The following ZNF678 variants were observed in gnomAD, a reference collection of about 807,000 sequenced individuals.
The protein encoded by ZNF678 is hypothetical protein MGC42493.
Under a neutral mutation model 3.0 loss-of-function variants are expected in ZNF678, and 5 were observed. That is an observed-to-expected ratio of 1.69 (90% CI 0.88 to 3.56). The LOEUF is 3.56. Ranked by LOEUF, ZNF678 falls within the 30% of genes most tolerant of loss-of-function variation. ZNF678 has a pLI of 0.00. For synonymous variants in ZNF678, 218 were observed against 199.6 expected, an observed-to-expected ratio of 1.09 and a Z score of -0.78; for missense variants, 593 against 605.0, an observed-to-expected ratio of 0.98 and a Z score of 0.21.
chr1:227,595,184 ATC>A (rs748336846), intron 1 of ZNF678, among the ~76,000 whole-genome samples: 1 of 148,284 alleles, frequency 6.7e-6, no homozygotes, highest in African/African-American at 2.5e-5. Flanking sequence ...ACTTGTATAT[ATC>A]TCTCTCTCTT....
chr1:227,650,848 G>T, intron 2 of ZNF678, 108 bp from the exon 3 acceptor site: 2 of 769,546 alleles, frequency 2.6e-6, no homozygotes, highest in South Asian at 2.5e-5. Flanking sequence ...ATTTGTTATG[G>T]CTTTCTACAT....
At position 227,636,766 on chromosome 1, in the gene ZNF678, G is replaced by C. The variant is rs192684348; in HGVS notation, c.-163-9778G>C. 6.6e-5 allele frequency among the ~76,000 whole-genome samples: 10 copies of C among 152,296 alleles called. No homozygotes were observed. The East Asian group carries it at 1.9e-3, about 29-fold the overall frequency. Reference sequence around the variant, plus strand: ...TTGACCCTGGTGCAGTAGACCCAGTGGGGGAGTCCTTGGACTCTCACTGCA... The same window carrying C: ...TTGACCCTGGTGCAGTAGACCCAGTCGGGGAGTCCTTGGACTCTCACTGCA... On this transcript the variant is annotated intron_variant, in intron 1 of 3. Transcript: ENST00000343776.
At chr1:227,569,418 C>A (rs1401036163) in intron 1 of ZNF678, among the ~76,000 whole-genome samples, 1 of 151,996 alleles carries the variant, frequency 6.6e-6, no homozygotes, top group Non-Finnish European at 1.5e-5. Flanking sequence ...GATTCTGTTG[C>A]ATTGTTTTTT....
intron 5 of ZNF678, among the ~76,000 whole-genome samples, chr1:227,668,808 T>C (rs1659551902): frequency 6.6e-6 from 1 of 152,218 alleles, no homozygotes; most frequent in South Asian, 2.1e-4. Context: ...CACCATTTAT[T>C]GAATAGGAAG....
At chr1:227,592,628 T>C (rs1312144164) in intron 1 of ZNF678, among the ~76,000 whole-genome samples, 1 of 152,268 alleles carries the variant, frequency 6.6e-6, no homozygotes, top group African/African-American at 2.4e-5. Context: ...TTATTAACTG[T>C]CACCCACTAA....
chr1:227,655,683 G>A lies in ZNF678; in HGVS notation c.1433G>A (p.Arg478His), dbSNP rs560952116. 3.7e-5 allele frequency: 60 copies of A among 1,612,234 alleles called. No individual in the cohort carries two copies. Among genetic ancestry groups the A allele is most frequent in the Middle Eastern group, 3.3e-4 (2 of 6,048 alleles). The change falls in exon 4 of 4, where the codon CGT (arginine) becomes CAT (histidine). Residue 478 changes from arginine (R) to histidine (H), a missense_variant. Coordinates refer to ENST00000343776, the MANE Select transcript of ZNF678 (RefSeq NM_001367909.1). Reference protein sequence around the residue: ...KAFNQFSSLTRHKRIHTGEKR... With the variant: ...KAFNQFSSLTHHKRIHTGEKR... Reference sequence around the variant, plus strand: ...TTTAACCAGTTCTCAAGCCTTACTCGTCATAAAAGAATTCATACTGGAGAG... The same window carrying A: ...TTTAACCAGTTCTCAAGCCTTACTCATCATAAAAGAATTCATACTGGAGAG...
intron 5 of ZNF678, among the ~76,000 whole-genome samples, chr1:227,674,594 CTT>C (rs59416359): frequency 2.8e-5 from 3 of 105,966 alleles, no homozygotes; most frequent in African/African-American, 1.1e-4. Flanking sequence ...TATAATTTTT[CTT>C]TTTTTTTTTT....
intron 1 of ZNF678, among the ~76,000 whole-genome samples, chr1:227,636,473 G>C (rs1456082712): frequency 6.6e-6 from 1 of 152,154 alleles, no homozygotes; most frequent in African/African-American, 2.4e-5. Flanking sequence ...TTTGGTTAGT[G>C]ATTATCTCTA....
intron 1 of ZNF678, among the ~76,000 whole-genome samples, chr1:227,616,396 C>G (rs1658142131): frequency 6.6e-6 from 1 of 152,228 alleles, no homozygotes; most frequent in African/African-American, 2.4e-5. Flanking sequence ...TTCCCTGATA[C>G]TGTCCCAGTG....
intron 1 of ZNF678, among the ~76,000 whole-genome samples, chr1:227,573,512 A>G (rs767336737): frequency 8.5e-5 from 13 of 152,250 alleles, no homozygotes; most frequent in Non-Finnish European, 1.9e-4. Flanking sequence ...TTCTCTTAAA[A>G]TGCAGCTATT....
intron 1 of ZNF678, among the ~76,000 whole-genome samples, chr1:227,639,232 G>C (rs1433851046): frequency 6.6e-6 from 1 of 152,216 alleles, no homozygotes; most frequent in Non-Finnish European, 1.5e-5. Flanking sequence ...CTTGAAACAG[G>C]TGCCAGCCAG....
chr1:227,673,262 C>T (rs1447240013), intron 5 of ZNF678, among the ~76,000 whole-genome samples: 1 of 152,172 alleles, frequency 6.6e-6, no homozygotes, highest in Non-Finnish European at 1.5e-5. Flanking sequence ...TTGTAGATAA[C>T]CCACCACTGG....
At chr1:227,670,292 A>T (rs1020549278) in intron 5 of ZNF678, among the ~76,000 whole-genome samples, 4 of 152,256 alleles carry the variant, frequency 2.6e-5, no homozygotes, top group African/African-American at 9.6e-5. Flanking sequence ...TGAAATTTTA[A>T]AAATCACATT....
Position 227,654,833 on chromosome 1 carries a change from C to T in ZNF678, c.583C>T (p.Gln195Ter). The T allele has an allele frequency of 2.5e-6, 4 of 1,605,492 alleles. No homozygotes were observed. Among genetic ancestry groups the T allele is most frequent in the Non-Finnish European group, 2.5e-6 (3 of 1,178,420 alleles). ...TGACAAAGTTTTTAATTGGTGGTCA[C>T]AACTAACTAGCCATAAGAAAATTCA... is the stretch of plus-strand genomic sequence containing the variant. ...ECDKVFNWWS[Q>*]LTSHKKIHSG... Residue 195 changes from glutamine to a stop codon, truncating the protein, a stop_gained, in exon 4 of 4, where the codon CAA becomes TAA. Coordinates refer to ENST00000343776, the MANE Select transcript of ZNF678 (RefSeq NM_001367909.1). LOFTEE classifies it low-confidence loss of function (END_TRUNC).
At chr1:227,599,839 G>A (rs1025635424) in intron 1 of ZNF678, among the ~76,000 whole-genome samples, 1 of 152,212 alleles carries the variant, frequency 6.6e-6, no homozygotes, top group Middle Eastern at 3.4e-3. Context: ...TCAAGCACGG[G>A]GTACATGTGC....
chr1:227,622,981 A>G (rs1261221769), intron 1 of ZNF678, among the ~76,000 whole-genome samples: 1 of 152,204 alleles, frequency 6.6e-6, no homozygotes, highest in East Asian at 1.9e-4. Flanking sequence ...TGGCTCAGGT[A>G]TGGTTCACCC....
chr1:227,612,358 ATCT>A (rs1658041149), intron 1 of ZNF678, among the ~76,000 whole-genome samples: 3 of 152,300 alleles, frequency 2.0e-5, no homozygotes, highest in South Asian at 4.1e-4. Flanking sequence ...TGAAACCCAC[ATCT>A]TCACCAATTC....
At position 227,651,049 on chromosome 1, in the gene ZNF678, A is replaced by C. The variant is rs1250172971; in HGVS notation, c.58A>C (p.Thr20Pro). Residue 20 changes from threonine (T) to proline (P), a missense_variant, in exon 3 of 4, where the codon ACC (threonine) becomes CCC (proline). Thr to Pro is a conservative substitution (Grantham distance 38). Transcript: ENST00000343776. ...TGCATTTGAAGGAGCAAACACCTCT[A>C]CCAGTTTTTATAAACTGGTTTATAC... is the stretch of plus-strand genomic sequence containing the variant. ...VCAFEGANTS[T>P]SFYKLVYTAI... 72 of 1,613,646 alleles carry C rather than the reference A, an allele frequency of 4.5e-5. No individual in the cohort carries two copies. Among genetic ancestry groups the C allele is most frequent in the Non-Finnish European group, 5.9e-5 (70 of 1,179,798 alleles).
chr1:227,574,757 T>C (rs1656945733), intron 1 of ZNF678, among the ~76,000 whole-genome samples: 1 of 152,220 alleles, frequency 6.6e-6, no homozygotes, highest in African/African-American at 2.4e-5. Context: ...TGAATGATAC[T>C]GCCTAGGTTG....
Sources: gnomAD v4.1 joint callset for allele counts (sites outside exome capture counted in the v4.1 genomes callset) on GRCh38, gnomAD v4.1.1 for gene constraint, MANE v1.5 for transcripts, NCBI Gene and HGNC (gene_info 2026-07-23, HGNC 2026-07-21) for gene names.